Variants in PRKG1 observed in about 807,000 individuals in gnomAD.
PRKG1 encodes the protein protein kinase cGMP-dependent 1.
In PRKG1, 35 loss-of-function variants were observed where a neutral mutation model predicts 88.1. The observed-to-expected ratio is 0.40, with a 90% CI of 0.30 to 0.53. PRKG1 has a LOEUF of 0.53. PRKG1 is among the 20% of genes least tolerant of loss of function. The pLI is 0.59. For synonymous variants in PRKG1, 303 were observed against 292.5 expected (o/e 1.04, Z -0.37); for missense variants, 540 against 839.8 (o/e 0.64, Z 4.41).
intron 2 of PRKG1, among the ~76,000 whole-genome samples, chr10:51,198,105 T>TA (rs1383576692): frequency 3.0e-4 from 46 of 152,158 alleles, no homozygotes; most frequent in Non-Finnish European, 4.6e-4. Flanking sequence ...TCATCAAAAA[T>TA]AAAAAAATGT....
intron 1 of PRKG1, among the ~76,000 whole-genome samples, chr10:51,129,119 A>T (rs1040785448): frequency 6.6e-6 from 1 of 152,196 alleles, no homozygotes; most frequent in East Asian, 1.9e-4. Flanking sequence ...ATGCTTTTAT[A>T]TGCGTCATCT....
At chr10:52,026,929 C>T (rs1845354661) in intron 5 of PRKG1, among the ~76,000 whole-genome samples, 1 of 152,150 alleles carries the variant, frequency 6.6e-6, no homozygotes, top group Admixed American at 6.5e-5. Context: ...GAGCCGAGAT[C>T]GCTCGCCACT....
intron 3 of PRKG1, among the ~76,000 whole-genome samples, chr10:51,485,318 C>G (rs1840498929): frequency 6.6e-6 from 1 of 152,140 alleles, no homozygotes; most frequent in Non-Finnish European, 1.5e-5. Flanking sequence ...ACTTGGAATT[C>G]TTCACAGGAT....
intron 3 of PRKG1, among the ~76,000 whole-genome samples, chr10:51,547,026 C>T (rs1205584893): frequency 7.8e-6 from 1 of 128,392 alleles, no homozygotes; most frequent in African/African-American, 2.8e-5. Flanking sequence ...AATAGCATTG[C>T]TTATTATAGA....
chr10:51,981,852 T>G (rs1844018982), intron 5 of PRKG1, among the ~76,000 whole-genome samples: 1 of 152,146 alleles, frequency 6.6e-6, no homozygotes, highest in Non-Finnish European at 1.5e-5. Context: ...AATTTGAATG[T>G]TGGCCTCTCT....
chr10:52,180,764 T>C (rs969471748), intron 9 of PRKG1, among the ~76,000 whole-genome samples: 12 of 152,128 alleles, frequency 7.9e-5, no homozygotes, highest in South Asian at 2.1e-4. Context: ...AGCATGTACA[T>C]GCGCACGGTG....
At chr10:51,869,852 A>G (rs976956558) in intron 4 of PRKG1, among the ~76,000 whole-genome samples, 7 of 152,166 alleles carry the variant, frequency 4.6e-5, no homozygotes, top group African/African-American at 1.7e-4. Flanking sequence ...GAGAATGAAA[A>G]TATGTTTGTG....
At chr10:51,231,236 A>G (rs183081070) in intron 2 of PRKG1, among the ~76,000 whole-genome samples, 11 of 152,318 alleles carry the variant, frequency 7.2e-5, no homozygotes, top group African/African-American at 2.2e-4. Flanking sequence ...CTAAAGTTGT[A>G]TAATTTCCTA....
At chr10:51,832,952 T>G (rs186680300) in intron 4 of PRKG1, among the ~76,000 whole-genome samples, 24 of 152,300 alleles carry the variant, frequency 1.6e-4, no homozygotes, top group Admixed American at 2.6e-4. Context: ...TCCTGTGATA[T>G]GAATAAATCT....
chr10:52,035,854 G>A (rs960650519), intron 5 of PRKG1, among the ~76,000 whole-genome samples: 6 of 151,914 alleles, frequency 3.9e-5, no homozygotes, highest in Admixed American at 6.5e-5. Context: ...GCCGCTGCAC[G>A]CAGACATGAG....
Position 50,991,681 on chromosome 10 carries a change from G to A in PRKG1, c.266+37G>A, listed in dbSNP as rs886759528. 5 of 1,396,636 alleles carry A rather than the reference G, an allele frequency of 3.6e-6. No individual in the cohort carries two copies. Among genetic ancestry groups the A allele is most frequent in the South Asian group, 1.5e-5 (1 of 67,738 alleles). 86.5% of individuals were successfully genotyped at this position (1,396,636 alleles called of 1,614,324 possible). ...GGCCGTGGGCCCGGGCGCTCGTCCC[G>A]GCCCGCGGCGCAGAGGCTGGGGGCT... On this transcript the variant is annotated intron_variant, in intron 1 of 17. Transcript: ENST00000401604. The surrounding 1 kb of genome is among the most constrained non-coding windows in gnomAD (Gnocchi z 4.5).
chr10:52,110,216 C>T (rs1273610091), intron 7 of PRKG1, among the ~76,000 whole-genome samples: 9 of 151,852 alleles, frequency 5.9e-5, no homozygotes, highest in South Asian at 2.1e-4. Flanking sequence ...GGCGTGGTGG[C>T]GGGTGCCTGT....
chr10:51,222,164 G>A (rs1188303345), intron 2 of PRKG1, among the ~76,000 whole-genome samples: 1 of 147,426 alleles, frequency 6.8e-6, no homozygotes, highest in Non-Finnish European at 1.5e-5. Context: ...GGGATTACAG[G>A]CATGAGCCAC....
At chr10:51,933,157 A>G (rs532762179) in intron 5 of PRKG1, among the ~76,000 whole-genome samples, 1 of 152,158 alleles carries the variant, frequency 6.6e-6, no homozygotes, top group South Asian at 2.1e-4. Context: ...CCTATCTTAC[A>G]TTGCTCCAGA....
At position 51,938,221 on chromosome 10, in the gene PRKG1, C is replaced by T. The variant is rs180876217; in HGVS notation, c.762+30651C>T. ...GAGAAAGAGACAGAGACCATATACA[C>T]GTAAGTTTTATTAAAGTATGTTGTT... On this transcript the variant is annotated intron_variant, in intron 5 of 17. Transcript: ENST00000373980. Among the ~76,000 whole-genome samples the T allele has an allele frequency of 5.2e-3, 785 of 152,042 alleles. 6 individuals carry two copies. Among genetic ancestry groups the T allele is most frequent in the African/African-American group, 0.017 (708 of 41,502 alleles).
At chr10:51,579,992 T>G (rs958145731) in intron 3 of PRKG1, among the ~76,000 whole-genome samples, 20 of 152,160 alleles carry the variant, frequency 1.3e-4, no homozygotes, top group African/African-American at 4.8e-4. Context: ...CCCATTCTTC[T>G]CTCTCTACCT....
At chr10:52,192,179 T>A (rs1839381610) in intron 9 of PRKG1, among the ~76,000 whole-genome samples, 1 of 152,176 alleles carries the variant, frequency 6.6e-6, no homozygotes, top group Non-Finnish European at 1.5e-5. Flanking sequence ...CCTCTTTAGG[T>A]TGGTTCCTTG....
At chr10:51,374,856 C>T (rs1011720664) in intron 2 of PRKG1, among the ~76,000 whole-genome samples, 1 of 152,138 alleles carries the variant, frequency 6.6e-6, no homozygotes, top group Non-Finnish European at 1.5e-5. Context: ...GGATTCAGTC[C>T]TTTGCTGGTT....
At chr10:51,473,247 G>A (rs1840097897) in intron 3 of PRKG1, among the ~76,000 whole-genome samples, 1 of 151,844 alleles carries the variant, frequency 6.6e-6, no homozygotes, top group African/African-American at 2.4e-5. Context: ...AGGTATCAAT[G>A]ATGCTACATA....
Sources: allele counts gnomAD v4.1 joint callset (sites outside exome capture counted in the v4.1 genomes callset), GRCh38; gene constraint gnomAD v4.1.1; non-coding constraint Gnocchi (gnomAD v3.1); transcripts MANE v1.5; gene names NCBI Gene and HGNC (gene_info 2026-07-23, HGNC 2026-07-21).